Variants in PIP5K1B observed in about 807,000 individuals in gnomAD.
PIP5K1B encodes the protein phosphatidylinositol-4-phosphate 5-kinase type 1 beta.
A neutral mutation model predicts 67.0 loss-of-function variants in PIP5K1B; 42 were observed. The observed-to-expected ratio is 0.63, with a 90% confidence interval of 0.49 to 0.81. The LOEUF (loss-of-function observed/expected upper bound fraction) is 0.81, where lower values mean the gene tolerates loss of function less well. Ranked by LOEUF, PIP5K1B falls within the 30% of genes least tolerant of loss-of-function variation. The probability of loss-of-function intolerance (pLI) is 0.00; values close to 1 mark genes in which losing one functional copy is unlikely to be tolerated. For missense variants in PIP5K1B, 459 were observed against 646.3 expected (o/e 0.71, Z 3.14); for synonymous variants, 214 against 231.4 (o/e 0.92, Z 0.68).
At chr9:68,809,555 A>C (rs1768587206) in intron 2 of PIP5K1B, among the ~76,000 whole-genome samples, 1 of 152,192 alleles carries the variant, frequency 6.6e-6, no homozygotes. Flanking sequence ...GTAACCCTTT[A>C]GGTAACATCC....
chr9:68,804,475 T>C (rs1370186242), intron 2 of PIP5K1B, among the ~76,000 whole-genome samples: 1 of 152,138 alleles, frequency 6.6e-6, no homozygotes, highest in African/African-American at 2.4e-5. Context: ...TAGGCAGTAT[T>C]AGCAGAGAGG....
intron 8 of PIP5K1B, among the ~76,000 whole-genome samples, chr9:68,902,658 G>A (rs1825421714): frequency 6.6e-6 from 1 of 152,166 alleles, no homozygotes. Flanking sequence ...TATGGTAAGT[G>A]CGTGTTGAAT....
chr9:68,833,285 G>C (rs918248403), intron 4 of PIP5K1B, among the ~76,000 whole-genome samples: 1 of 152,248 alleles, frequency 6.6e-6, no homozygotes, highest in Non-Finnish European at 1.5e-5. Context: ...CTGGGATCGC[G>C]AGTGTGTGAA....
chr9:68,915,665 T>C (rs1826058584), intron 8 of PIP5K1B, among the ~76,000 whole-genome samples: 1 of 152,120 alleles, frequency 6.6e-6, no homozygotes, highest in African/African-American at 2.4e-5. Context: ...GAAGGCTGGT[T>C]CCACATTGTT....
chr9:68,753,776 G>A (rs1421098826), intron 2 of PIP5K1B, among the ~76,000 whole-genome samples: 1 of 151,660 alleles, frequency 6.6e-6, no homozygotes, highest in African/African-American at 2.4e-5. Flanking sequence ...TGCCCGCCTC[G>A]GCCTCGCAAA....
chr9:68,937,641 C>T (rs77258585), intron 13 of PIP5K1B, among the ~76,000 whole-genome samples: 9 of 151,800 alleles, frequency 5.9e-5, no homozygotes, highest in African/African-American at 1.5e-4. Flanking sequence ...TCTTGTCTTC[C>T]GCTAGATTTT....
At chr9:68,878,724 A>G (rs1258586622) in intron 6 of PIP5K1B, among the ~76,000 whole-genome samples, 2 of 152,262 alleles carry the variant, frequency 1.3e-5, no homozygotes, top group Non-Finnish European at 2.9e-5. Context: ...CAACTCTACC[A>G]GGCAATAAAT....
intron 5 of PIP5K1B, 35 bp downstream of exon 5, chr9:68,864,002 T>C: frequency 1.2e-6 from 2 of 1,605,804 alleles, no homozygotes; most frequent in Non-Finnish European, 1.7e-6. Flanking sequence ...ATTTCCATGC[T>C]AAGGAACCTT....
intron 14 of PIP5K1B, among the ~76,000 whole-genome samples, chr9:68,942,593 C>G (rs1196069668): frequency 6.6e-6 from 1 of 152,086 alleles, no homozygotes; most frequent in African/African-American, 2.4e-5. Flanking sequence ...CCTGGCCATC[C>G]TGGAAGCTAC....
At chr9:68,911,508 G>A (rs1347831501) in intron 8 of PIP5K1B, among the ~76,000 whole-genome samples, 3 of 152,138 alleles carry the variant, frequency 2.0e-5, no homozygotes, top group Non-Finnish European at 4.4e-5. Flanking sequence ...GTATGAAATC[G>A]CATTAGAATG....
At chr9:68,941,221 C>A in intron 14 of PIP5K1B, 1 of 412,138 alleles carries the variant, frequency 2.4e-6, no homozygotes, top group Non-Finnish European at 4.8e-6. Context: ...TATCCACATC[C>A]TAATTCCTGT....
At chr9:68,889,595 C>T (rs112758064) in intron 7 of PIP5K1B, among the ~76,000 whole-genome samples, 14,117 of 151,912 alleles carry the variant, frequency 0.093, 821 homozygotes, top group Non-Finnish European at 0.14. Context: ...ATTAGCCAGG[C>T]GTGGTGGTGG....
intron 2 of PIP5K1B, among the ~76,000 whole-genome samples, chr9:68,748,613 CTTTTTTT>C (rs58954806): frequency 2.0e-5 from 2 of 98,276 alleles, no homozygotes; most frequent in East Asian, 2.9e-4. Context: ...GATTTCTTTT[CTTTTTTT>C]TTTTTTTTTT....
intron 4 of PIP5K1B, among the ~76,000 whole-genome samples, chr9:68,839,438 A>G (rs910412159): frequency 6.6e-6 from 1 of 152,150 alleles, no homozygotes; most frequent in Non-Finnish European, 1.5e-5. Flanking sequence ...TCCTTTCGAG[A>G]AAACCTGAGT....
chr9:68,776,947 C>T (rs1830948205), intron 2 of PIP5K1B, among the ~76,000 whole-genome samples: 1 of 152,192 alleles, frequency 6.6e-6, no homozygotes, highest in African/African-American at 2.4e-5. Flanking sequence ...TGCCTAGAAT[C>T]CTCAGTGCTG....
rs1305380481 is a variant in PIP5K1B, at chr9:68,705,326, C to CCCCGGTT, written c.-672_-666dup. 6.6e-6 allele frequency: 1 copy of CCCCGGTT among 151,432 alleles called. No individual in the cohort carries two copies. The highest frequency in any genetic ancestry group is 1.5e-5 in the Non-Finnish European group (1 of 67,696). The allele number at this position is 151,432 out of a possible 1,614,324, so 9.4% of individuals were successfully genotyped here. A position where few individuals can be genotyped will look rare whatever the true frequency, so the allele number is the denominator to read the frequency against. On this transcript the variant is annotated 5_prime_UTR_variant, in exon 1 of 16. Transcript: ENST00000265382. Reference sequence around the variant, plus strand: ...GGGCGCCGCTGCTGCTCCTCTCGGTCCCCGGTTCCCGGTCCCCGAACGCGC... The same window carrying CCCCGGTT: ...GGGCGCCGCTGCTGCTCCTCTCGGTCCCCGGTTCCCGGTTCCCGGTCCCCGAACGCGC...
chr9:68,712,362 T>G (rs953855259), intron 1 of PIP5K1B, among the ~76,000 whole-genome samples: 2 of 152,240 alleles, frequency 1.3e-5, no homozygotes, highest in Non-Finnish European at 2.9e-5. Context: ...CTTTTCTTTA[T>G]GAATTATGCA....
chr9:68,833,239 A>G (rs891103511), intron 4 of PIP5K1B, among the ~76,000 whole-genome samples: 1 of 152,248 alleles, frequency 6.6e-6, no homozygotes, highest in Non-Finnish European at 1.5e-5. Context: ...TAGATAAGGT[A>G]TTCAGGGGAC....
chr9:68,866,213 T>C (rs1823346688), intron 5 of PIP5K1B, among the ~76,000 whole-genome samples: 1 of 151,392 alleles, frequency 6.6e-6, no homozygotes, highest in African/African-American at 2.4e-5. Context: ...GGAGAATCTC[T>C]GGAGCCTGGG....
Sources: allele counts gnomAD v4.1 joint callset (sites outside exome capture counted in the v4.1 genomes callset), GRCh38; gene constraint gnomAD v4.1.1; transcripts MANE v1.5; gene names NCBI Gene and HGNC (gene_info 2026-07-23, HGNC 2026-07-21).